The following OSBP2 variants were observed in gnomAD, a reference collection of about 807,000 sequenced individuals.
The protein encoded by OSBP2 is oxysterol binding protein 2.
A neutral mutation model predicts 96.0 loss-of-function variants in OSBP2; 66 were observed. The ratio of observed to expected loss-of-function variants is 0.69; its 90% CI spans 0.56 to 0.84. OSBP2 has a LOEUF of 0.84. Ranked by LOEUF, OSBP2 falls within the 40% of genes least tolerant of loss-of-function variation. OSBP2 has a pLI of 0.00. For missense variants in OSBP2, 1,038 were observed against 1,222.7 expected, an observed-to-expected ratio of 0.85 and a Z score of 2.25; for synonymous variants, 525 against 520.9, an observed-to-expected ratio of 1.01 and a Z score of -0.11.
At chr22:30,715,389 G>A (rs1218618889) in intron 1 of OSBP2, among the ~76,000 whole-genome samples, 4 of 150,358 alleles carry the variant, frequency 2.7e-5, no homozygotes, top group African/African-American at 9.8e-5. Context: ...TTTGGCCAGG[G>A]AGGAGGGGAC....
intron 12 of OSBP2, chr22:30,894,228 GC>G (rs1353404398): frequency 2.0e-6 from 1 of 511,062 alleles, no homozygotes; most frequent in Non-Finnish European, 3.5e-6. Flanking sequence ...ATAGGACAGA[GC>G]CCCTCCCTGT....
At chr22:30,741,087 G>C (rs1209639465) in intron 1 of OSBP2, 74 bp from the exon 2 acceptor site, 1 of 1,181,642 alleles carries the variant, frequency 8.5e-7, no homozygotes, top group African/African-American at 1.5e-5. Context: ...CTGAGGATTT[G>C]CCTGGAGGGT....
intron 2 of OSBP2, among the ~76,000 whole-genome samples, chr22:30,862,900 T>C (rs1376377704): frequency 2.7e-5 from 4 of 145,962 alleles, no homozygotes; most frequent in Non-Finnish European, 6.0e-5. Context: ...TTGAACCTGG[T>C]AGGCGGAGGT....
intron 12 of OSBP2, among the ~76,000 whole-genome samples, chr22:30,898,904 TA>T (rs1346292725): frequency 1.3e-5 from 2 of 149,962 alleles, no homozygotes; most frequent in Admixed American, 6.6e-5. Context: ...AGAAATCAAT[TA>T]AAAAAACAAA....
At chr22:30,780,642 C>T (rs929034232) in intron 2 of OSBP2, among the ~76,000 whole-genome samples, 13 of 152,080 alleles carry the variant, frequency 8.5e-5, no homozygotes, top group African/African-American at 2.9e-4. Flanking sequence ...GGATTACAGG[C>T]GCCCGCCACC....
chr22:30,800,154 C>T (rs1423316046), intron 2 of OSBP2, among the ~76,000 whole-genome samples: 1 of 152,162 alleles, frequency 6.6e-6, no homozygotes, highest in South Asian at 2.1e-4. Context: ...TTTGCTCATT[C>T]AAGAGCTATT....
At position 30,891,127 on chromosome 22, in the gene OSBP2, G is replaced by A. The variant is rs2039938977; in HGVS notation, c.1869+154G>A. Among the ~76,000 whole-genome samples the A allele has an allele frequency of 2.0e-5, 3 of 152,256 alleles. No individual in the cohort carries two copies. In the South Asian group the frequency reaches 6.2e-4, roughly 31 times the overall value. On this transcript the variant is annotated intron_variant, in intron 8 of 13. Coordinates refer to ENST00000332585, the MANE Select transcript of OSBP2 (RefSeq NM_030758.4). ...CAAGCTGAGGTCCAGCCAGGGAGCAGGGCCTTCCATGGCAGGGGCAGGCAC... is the reference window on the plus strand; with the variant it reads ...CAAGCTGAGGTCCAGCCAGGGAGCAAGGCCTTCCATGGCAGGGGCAGGCAC...
At chr22:30,773,538 C>T (rs1232255608) in intron 2 of OSBP2, among the ~76,000 whole-genome samples, 1 of 152,178 alleles carries the variant, frequency 6.6e-6, no homozygotes, top group Non-Finnish European at 1.5e-5. Flanking sequence ...TGACAACTGG[C>T]TTGCCACTGA....
At chr22:30,825,411 C>T (rs1213170394) in intron 2 of OSBP2, among the ~76,000 whole-genome samples, 6 of 152,300 alleles carry the variant, frequency 3.9e-5, no homozygotes, top group Admixed American at 6.5e-5. Flanking sequence ...AAGCCCTACT[C>T]ACCTGGCAAG....
At chr22:30,858,805 G>A (rs569875884) in intron 2 of OSBP2, among the ~76,000 whole-genome samples, 7 of 151,772 alleles carry the variant, frequency 4.6e-5, no homozygotes, top group Admixed American at 2.0e-4. Flanking sequence ...CTTGAACCCG[G>A]GAGATGGAGG....
intron 2 of OSBP2, among the ~76,000 whole-genome samples, chr22:30,825,637 G>T (rs1477634999): frequency 3.3e-5 from 5 of 152,210 alleles, no homozygotes; most frequent in Non-Finnish European, 5.9e-5. Flanking sequence ...CACATGTACA[G>T]ATCTGTGTTG....
intron 2 of OSBP2, among the ~76,000 whole-genome samples, chr22:30,748,960 A>G (rs1426808005): frequency 6.6e-6 from 1 of 152,152 alleles, no homozygotes; most frequent in African/African-American, 2.4e-5. Flanking sequence ...TAATAAAAAT[A>G]CAAAAATTAG....
rs181388358 is a variant in OSBP2, at chr22:30,831,265, A to G, written c.854-39164A>G. Among the ~76,000 whole-genome samples the G allele has an allele frequency of 1.9e-3, 284 of 152,342 alleles. 1 individual carries two copies. Among genetic ancestry groups the G allele is most frequent in the Non-Finnish European group, 2.1e-3 (146 of 68,040 alleles). ...CATTCTGAGAGATTATTCTTTGGCC[A>G]GTATAATGTGCCTTGTTTTCACTTG... On this transcript the variant is annotated intron_variant, in intron 2 of 13. Transcript: ENST00000332585.
intron 2 of OSBP2, among the ~76,000 whole-genome samples, chr22:30,866,619 G>C (rs1469485993): frequency 7.9e-5 from 12 of 152,128 alleles, no homozygotes; most frequent in Admixed American, 5.9e-4. Flanking sequence ...CGCCTGTAAT[G>C]CCAGCTACTC....
intron 2 of OSBP2, among the ~76,000 whole-genome samples, chr22:30,843,199 G>A (rs890639788): frequency 1.3e-5 from 2 of 152,126 alleles, no homozygotes; most frequent in African/African-American, 4.8e-5. Context: ...TCATCCTGGA[G>A]GGTTGGAATC....
At chr22:30,901,889 T>C (rs1441549018) in intron 12 of OSBP2, among the ~76,000 whole-genome samples, 2 of 152,060 alleles carry the variant, frequency 1.3e-5, no homozygotes, top group Non-Finnish European at 2.9e-5. Context: ...AACAATCACA[T>C]AGTCATAACC....
intron 1 of OSBP2, among the ~76,000 whole-genome samples, chr22:30,728,046 A>G (rs1253913498): frequency 6.6e-6 from 1 of 151,276 alleles, no homozygotes; most frequent in East Asian, 2.0e-4. Context: ...TGAGGTTGCC[A>G]TGAGCCGAGA....
intron 4 of OSBP2, among the ~76,000 whole-genome samples, 187 bp from the exon 5 acceptor site, chr22:30,888,035 GA>G (rs1250918788): frequency 6.6e-6 from 1 of 152,164 alleles, no homozygotes; most frequent in Non-Finnish European, 1.5e-5. Flanking sequence ...TGAATGCGTT[GA>G]AAGCACATGA....
At chr22:30,880,343 G>T (rs755746309) in intron 3 of OSBP2, among the ~76,000 whole-genome samples, 7 of 152,236 alleles carry the variant, frequency 4.6e-5, no homozygotes, top group Non-Finnish European at 8.8e-5. Context: ...AGACACGTCA[G>T]ATGCCTGGCA....
Sources: gnomAD v4.1 joint callset for allele counts (sites outside exome capture counted in the v4.1 genomes callset) on GRCh38, gnomAD v4.1.1 for gene constraint, MANE v1.5 for transcripts, NCBI Gene and HGNC (gene_info 2026-07-23, HGNC 2026-07-21) for gene names.